Variants in ADAM23 observed in about 807,000 individuals in gnomAD.
The protein encoded by ADAM23 is disintegrin and metalloproteinase domain-containing protein 23.
ADAM23 carries 33 observed loss-of-function variants against 120.1 expected under a neutral mutation model. That is an observed-to-expected ratio of 0.27 (90% confidence interval 0.21 to 0.37). The LOEUF (loss-of-function observed/expected upper bound fraction) is 0.37, where lower values mean the gene tolerates loss of function less well. Ranked by LOEUF, ADAM23 falls within the 10% of genes least tolerant of loss-of-function variation. The probability of loss-of-function intolerance (pLI) is 1.00; values close to 1 mark genes in which losing one functional copy is unlikely to be tolerated. For synonymous variants in ADAM23, 367 were observed against 375.2 expected, an observed-to-expected ratio of 0.98 and a Z score of 0.25; for missense variants, 862 against 1,058.2, an observed-to-expected ratio of 0.81 and a Z score of 2.57.
chr2:206,446,475 T>C (rs934819352), intron 2 of ADAM23, among the ~76,000 whole-genome samples: 7 of 152,212 alleles, frequency 4.6e-5, no homozygotes, highest in African/African-American at 1.7e-4. Flanking sequence ...TAAGAAAGTA[T>C]CTGCAGTTTA....
At chr2:206,595,422 C>T (rs1698505017) in intron 23 of ADAM23, among the ~76,000 whole-genome samples, 1 of 151,628 alleles carries the variant, frequency 6.6e-6, no homozygotes, top group African/African-American at 2.4e-5. Flanking sequence ...ACAGAGATCA[C>T]TCTGGGGTCC....
At chr2:206,588,048 C>CA in intron 19 of ADAM23, 43 bp from the exon 20 acceptor site, 1 of 1,606,394 alleles carries the variant, frequency 6.2e-7, no homozygotes, top group Non-Finnish European at 8.5e-7. Flanking sequence ...TTGGGGAAGA[C>CA]AAACTGACTC....
intron 24 of ADAM23, chr2:206,605,668 T>C (rs963567073): frequency 9.2e-6 from 6 of 650,452 alleles, no homozygotes; most frequent in East Asian, 5.5e-5. Flanking sequence ...TCAAATCTTA[T>C]AGCAAAAAAA....
chr2:206,504,132 A>G (rs1696447253), intron 3 of ADAM23, among the ~76,000 whole-genome samples: 1 of 152,076 alleles, frequency 6.6e-6, no homozygotes. Context: ...TCTTGATATA[A>G]TCTTTATATA....
chr2:206,565,325 T>G (rs1697856295), intron 14 of ADAM23, among the ~76,000 whole-genome samples: 1 of 152,224 alleles, frequency 6.6e-6, no homozygotes, highest in Admixed American at 6.5e-5. Context: ...GATTAAAGGC[T>G]TCTAAGTTTA....
At chr2:206,614,709 TATTGTTA>T (rs1698901473) in intron 25 of ADAM23, among the ~76,000 whole-genome samples, 1 of 152,166 alleles carries the variant, frequency 6.6e-6, no homozygotes, top group African/African-American at 2.4e-5. Context: ...AGGAACTTAA[TATTGTTA>T]ATTATATTTT....
intron 24 of ADAM23, among the ~76,000 whole-genome samples, chr2:206,604,757 A>G (rs894754227): frequency 6.6e-6 from 1 of 152,228 alleles, no homozygotes; most frequent in Admixed American, 6.5e-5. Context: ...GCCTTAAAAA[A>G]TGGTGGCTTT....
intron 3 of ADAM23, among the ~76,000 whole-genome samples, chr2:206,514,454 G>A (rs1254630481): frequency 1.3e-5 from 2 of 152,206 alleles, no homozygotes; most frequent in Non-Finnish European, 2.9e-5. Flanking sequence ...GGAGCCCGAA[G>A]ATGTGACTGA....
intron 24 of ADAM23, chr2:206,606,864 C>T (rs1434255826): frequency 6.6e-6 from 1 of 152,170 alleles, no homozygotes; most frequent in Non-Finnish European, 1.5e-5. Context: ...GGTGGTAACA[C>T]TTCAAAGTGG....
intron 3 of ADAM23, among the ~76,000 whole-genome samples, chr2:206,489,729 T>C (rs778283518): frequency 2.6e-5 from 4 of 152,206 alleles, no homozygotes; most frequent in Admixed American, 6.5e-5. Flanking sequence ...GACTCCAGCA[T>C]GGGCTGTCTG....
At chr2:206,593,741 T>TA (rs1698468296) in intron 22 of ADAM23, among the ~76,000 whole-genome samples, 1 of 152,056 alleles carries the variant, frequency 6.6e-6, no homozygotes, top group South Asian at 2.1e-4. Flanking sequence ...TTGTATATAC[T>TA]AAACTAGCAT....
intron 3 of ADAM23, 124 bp downstream of exon 3, chr2:206,481,432 A>G (rs553477048): frequency 3.3e-6 from 2 of 599,386 alleles, no homozygotes; most frequent in Admixed American, 4.1e-5. Context: ...ATTATAGAGC[A>G]TGTAAAGTAT....
chr2:206,556,127 CAAT>C (rs1189683465), intron 9 of ADAM23, among the ~76,000 whole-genome samples: 1 of 151,878 alleles, frequency 6.6e-6, no homozygotes, highest in Non-Finnish European at 1.5e-5. Flanking sequence ...ACAGTAGTGG[CAAT>C]AACATGAACA....
At chr2:206,584,887 G>A (rs911396984) in intron 18 of ADAM23, among the ~76,000 whole-genome samples, 7 of 152,146 alleles carry the variant, frequency 4.6e-5, no homozygotes, top group East Asian at 3.9e-4. Context: ...TGGGCTGCTC[G>A]GGGACCCAGT....
chr2:206,560,169 T>G, intron 11 of ADAM23, 51 bp downstream of exon 11: 1 of 1,531,694 alleles, frequency 6.5e-7, no homozygotes, highest in Non-Finnish European at 8.8e-7. Context: ...ACATTTATCC[T>G]TATCCCTTTT....
intron 2 of ADAM23, among the ~76,000 whole-genome samples, chr2:206,471,347 A>C (rs1184484942): frequency 6.6e-6 from 1 of 152,214 alleles, no homozygotes; most frequent in Non-Finnish European, 1.5e-5. Context: ...CTCAAGTTAA[A>C]GAACCTTCTA....
At chr2:206,614,857 T>A (rs1698904424) in intron 25 of ADAM23, among the ~76,000 whole-genome samples, 1 of 152,160 alleles carries the variant, frequency 6.6e-6, no homozygotes, top group Non-Finnish European at 1.5e-5. Context: ...TCCATGACTG[T>A]ATCCCAGTTC....
chr2:206,605,528 A>G lies in ADAM23; in HGVS notation c.2360-4382A>G, dbSNP rs201774763. 9.5e-5 allele frequency among the ~76,000 whole-genome samples: 12 copies of G among 126,300 alleles called. No homozygotes were observed. In the East Asian group the frequency reaches 2.3e-3, roughly 24 times the overall value. The allele number at this position is 126,300 out of a possible 152,430, so 82.9% of individuals were successfully genotyped here. ...CCTCACATCTGGTAGGAACTATAAC[A>G]AATTGAATTATTTATGTATTTATAA... On this transcript the variant is annotated intron_variant, in intron 24 of 25. Coordinates refer to ENST00000264377, the MANE Select transcript of ADAM23 (RefSeq NM_003812.4).
chr2:206,509,917 C>T (rs1161043083), intron 3 of ADAM23, among the ~76,000 whole-genome samples: 5 of 152,262 alleles, frequency 3.3e-5, no homozygotes, highest in South Asian at 2.1e-4. Flanking sequence ...CTCCTGAGCC[C>T]GTGGCTTTGA....
Sources: allele counts gnomAD v4.1 joint callset (sites outside exome capture counted in the v4.1 genomes callset), GRCh38; gene constraint gnomAD v4.1.1; transcripts MANE v1.5; gene names NCBI Gene and HGNC (gene_info 2026-07-23, HGNC 2026-07-21).